CFAP251: variants seen among roughly 807,000 people sequenced by gnomAD.
The protein encoded by CFAP251 is cilia- and flagella-associated protein 251.
CFAP251 carries 93 observed loss-of-function variants against 126.7 expected under a neutral mutation model. The observed-to-expected ratio is 0.73, with a 90% CI of 0.62 to 0.87. CFAP251 has a LOEUF of 0.87. Among genes scored for constraint, CFAP251 ranks in the 40% least tolerant of loss-of-function variants. The probability of loss-of-function intolerance (pLI) is 0.00; values close to 1 mark genes in which losing one functional copy is unlikely to be tolerated. For missense variants in CFAP251, 1,287 were observed against 1,389.2 expected (o/e 0.93, Z 1.17); for synonymous variants, 503 against 506.9 (o/e 0.99, Z 0.10).
At chr12:122,001,331 C>T (rs1883143643) in intron 20 of CFAP251, among the ~76,000 whole-genome samples, 166 bp from the exon 21 acceptor site, 1 of 152,058 alleles carries the variant, frequency 6.6e-6, no homozygotes, top group Admixed American at 6.6e-5. Flanking sequence ...GCTGGGATTA[C>T]AGGCATGAGC....
intron 17 of CFAP251, chr12:121,971,741 GTC>G: frequency 1.6e-6 from 1 of 640,882 alleles, no homozygotes; most frequent in Non-Finnish European, 2.8e-6. Flanking sequence ...AAGGACTTTT[GTC>G]TCCAATCTTT....
Position 122,000,882 on chromosome 12 carries a change from AGAT to A in CFAP251, c.3236-614_3236-612del, listed in dbSNP as rs1395389419. Reference sequence around the variant, plus strand: ...ATATGTGACAGTACCATGGGACTCTAGATCATTTTTGTGTCTAAAGAAAAGGGG... The same window carrying A: ...ATATGTGACAGTACCATGGGACTCTACATTTTTGTGTCTAAAGAAAAGGGG... On this transcript the variant is annotated intron_variant, in intron 20 of 21. Transcript: ENST00000288912. Among the ~76,000 whole-genome samples the A allele has an allele frequency of 6.6e-5, 10 of 151,792 alleles. No homozygotes were observed. In the East Asian group the frequency reaches 1.8e-3, roughly 27 times the overall value.
chr12:121,931,852 A>G lies in CFAP251; in HGVS notation c.854A>G (p.Tyr285Cys), dbSNP rs766852067. The G allele has an allele frequency of 2.5e-6, 4 of 1,600,048 alleles. No individual in the cohort carries two copies. Among genetic ancestry groups the G allele is most frequent in the Non-Finnish European group, 3.4e-6 (4 of 1,174,112 alleles). Residue 285 changes from tyrosine (Y) to cysteine (C), a missense_variant, in exon 4 of 22, where the codon TAC (tyrosine) becomes TGC (cysteine). Tyr to Cys is a radical substitution (Grantham distance 194). Transcript: ENST00000288912. ...LYVCAHTAII[Y>C]NVFRNNQYHL... ...GTTTGTGCTCACACTGCGATCATCT[A>G]CAACGTGTTCAGGAACAATCAATAC... is the stretch of plus-strand genomic sequence containing the variant.
At chr12:121,924,944 G>A (rs973826365) in intron 3 of CFAP251, among the ~76,000 whole-genome samples, 2 of 144,596 alleles carry the variant, frequency 1.4e-5, no homozygotes, top group African/African-American at 2.6e-5. Flanking sequence ...TTTCCTTCCC[G>A]CTTCCTCTCC....
At chr12:121,932,237 C>T (rs1402882557) in intron 4 of CFAP251, 1 of 157,728 alleles carries the variant, frequency 6.3e-6, no homozygotes, top group Non-Finnish European at 1.4e-5. Context: ...GACACTTACA[C>T]ACATCTCTAG....
chr12:121,926,552 T>G (rs1880424706), intron 3 of CFAP251, among the ~76,000 whole-genome samples: 2 of 152,122 alleles, frequency 1.3e-5, no homozygotes, highest in Non-Finnish European at 2.9e-5. Flanking sequence ...GGCCTTGAAC[T>G]CCTAAGCTCA....
chr12:121,931,869 A>C lies in CFAP251; in HGVS notation c.871A>C (p.Asn291His), dbSNP rs1200901114. The change falls in exon 4 of 22, where the codon AAT (asparagine) becomes CAT (histidine). Residue 291 changes from asparagine to histidine, a missense_variant. By Grantham distance (68) the Asn-to-His change is moderately conservative. Coordinates refer to ENST00000288912, the MANE Select transcript of CFAP251 (RefSeq NM_144668.6). ...GATCATCTACAACGTGTTCAGGAAC[A>C]ATCAATACCACCTTCAGGTATGCAG... ...TAIIYNVFRN[N>H]QYHLQGHANI... 1 of 1,574,846 alleles carries C rather than the reference A, an allele frequency of 6.3e-7. No individual in the cohort carries two copies. The highest frequency in any genetic ancestry group is 8.6e-7 in the Non-Finnish European group (1 of 1,162,658).
At chr12:121,996,782 G>A (rs1278201099) in intron 19 of CFAP251, 2 of 152,274 alleles carry the variant, frequency 1.3e-5, no homozygotes, top group Middle Eastern at 3.4e-3. Flanking sequence ...GTGGCCAAAA[G>A]GAAAGCCCTT....
intron 16 of CFAP251, among the ~76,000 whole-genome samples, chr12:121,967,517 A>G (rs914567311): frequency 1.4e-4 from 21 of 152,190 alleles, no homozygotes; most frequent in Non-Finnish European, 2.6e-4. Flanking sequence ...CCTGGCTAAC[A>G]CGGTGAAACC....
At chr12:121,921,719 C>A in intron 2 of CFAP251, 36 bp downstream of exon 2, 1 of 1,572,578 alleles carries the variant, frequency 6.4e-7, no homozygotes, top group Non-Finnish European at 8.6e-7. Context: ...TCAATTCATT[C>A]AGAATCATTA....
At chr12:121,948,316 TTATC>T (rs1334038961) in intron 7 of CFAP251, 1 of 152,222 alleles carries the variant, frequency 6.6e-6, no homozygotes, top group Non-Finnish European at 1.5e-5. Flanking sequence ...GCAGCAGTCT[TTATC>T]TAAAAGGATA....
chr12:121,947,264 A>AT (rs1245046515), intron 7 of CFAP251, among the ~76,000 whole-genome samples: 3 of 152,096 alleles, frequency 2.0e-5, no homozygotes, highest in African/African-American at 7.2e-5. Flanking sequence ...ATTTTAAATC[A>AT]TTTTTTCAGG....
chr12:121,983,688 C>A (rs1284247572), intron 19 of CFAP251, among the ~76,000 whole-genome samples: 1 of 151,978 alleles, frequency 6.6e-6, no homozygotes, highest in Non-Finnish European at 1.5e-5. Flanking sequence ...TTCGGTGCCG[C>A]ACTCAGTGAG....
Position 122,003,700 on chromosome 12 carries a change from A to T in CFAP251, c.3386A>T (p.Glu1129Val), listed in dbSNP as rs754938886. The change falls in exon 22 of 22, where the codon GAA (glutamate) becomes GTA (valine). Residue 1129 changes from glutamate to valine, a missense_variant. Transcript: ENST00000288912. Reference protein sequence around the residue: ...EEELPDEITAEIFATEILGLT... With the variant: ...EEELPDEITAVIFATEILGLT... ...GAACTTCCAGACGAAATCACTGCAG[A>T]AATATTCGCGACTGAAATTCTTGGC... 6.2e-7 allele frequency: 1 copy of T among 1,610,268 alleles called. No individual in the cohort carries two copies. Among genetic ancestry groups the T allele is most frequent in the Non-Finnish European group, 8.5e-7 (1 of 1,178,970 alleles).
intron 19 of CFAP251, among the ~76,000 whole-genome samples, chr12:121,996,143 G>T (rs1307366659): frequency 6.6e-6 from 1 of 152,210 alleles, no homozygotes; most frequent in Non-Finnish European, 1.5e-5. Flanking sequence ...GGAGAAATTG[G>T]TTACCGATTG....
intron 19 of CFAP251, among the ~76,000 whole-genome samples, chr12:121,993,856 GC>G (rs1205450404): frequency 2.8e-5 from 3 of 106,160 alleles, no homozygotes; most frequent in Admixed American, 9.5e-5. Flanking sequence ...GGGGGGGTCA[GC>G]CCCCCCGCCC....
At chr12:121,943,417 T>A (rs920795646) in intron 7 of CFAP251, among the ~76,000 whole-genome samples, 2 of 142,710 alleles carry the variant, frequency 1.4e-5, no homozygotes, top group African/African-American at 2.5e-5. Flanking sequence ...GTTTGTTTTG[T>A]TTTTGTTTTT....
chr12:121,928,698 A>ATACG (rs1880552169), intron 3 of CFAP251, among the ~76,000 whole-genome samples: 1 of 57,306 alleles, frequency 1.7e-5, no homozygotes, highest in East Asian at 2.6e-4. Context: ...ACGTATATAT[A>ATACG]TATATATTTT....
At chr12:121,996,702 C>G (rs898273195) in intron 19 of CFAP251, among the ~76,000 whole-genome samples, 1 of 152,112 alleles carries the variant, frequency 6.6e-6, no homozygotes, top group Non-Finnish European at 1.5e-5. Flanking sequence ...GAATGAACGT[C>G]TAAAAGATCT....
Sources: gnomAD v4.1 joint callset for allele counts (sites outside exome capture counted in the v4.1 genomes callset) on GRCh38, gnomAD v4.1.1 for gene constraint, MANE v1.5 for transcripts, NCBI Gene and HGNC (gene_info 2026-07-23, HGNC 2026-07-21) for gene names.